MALRD1: variants seen among roughly 807,000 people sequenced by gnomAD.
The protein encoded by MALRD1 is MAM and LDL receptor class A domain containing 1, also known as MAM and LDL-receptor class A domain-containing protein 1.
MALRD1 carries 247 observed loss-of-function variants against 242.1 expected under a neutral mutation model. The ratio of observed to expected loss-of-function variants is 1.02; its 90% confidence interval spans 0.92 to 1.13. MALRD1 has a LOEUF of 1.13. MALRD1 is among the 50% of genes most tolerant of loss of function. The probability of loss-of-function intolerance (pLI) is 0.00; values close to 1 mark genes in which losing one functional copy is unlikely to be tolerated. For synonymous variants in MALRD1, 995 were observed against 866.6 expected (o/e 1.15, Z -2.60); for missense variants, 2,989 against 2,533.1 (o/e 1.18, Z -3.86).
At chr10:19,470,598 T>C (rs922451050) in intron 29 of MALRD1, among the ~76,000 whole-genome samples, 2 of 151,922 alleles carry the variant, frequency 1.3e-5, no homozygotes, top group African/African-American at 4.8e-5. Flanking sequence ...TTCTCCCCTT[T>C]TATTTTTCAA....
chr10:19,705,918 G>C (rs781107549), intron 38 of MALRD1, among the ~76,000 whole-genome samples: 9 of 150,840 alleles, frequency 6.0e-5, no homozygotes, highest in Non-Finnish European at 1.2e-4. Context: ...TTTTTCCAGA[G>C]ATTTCATGAA....
In MALRD1 at chr10:19,133,965, A is replaced by G; in HGVS notation, c.1203+17A>G. On this transcript the variant is annotated intron_variant, in intron 9 of 39. Transcript: ENST00000454679. ...ACATTTAAGGTATGAAAGAAAAAAAAAAAGTATTTTTTTATCATGGTTTAA... is the reference window on the plus strand; with the variant it reads ...ACATTTAAGGTATGAAAGAAAAAAAGAAAGTATTTTTTTATCATGGTTTAA... 1 of 1,191,194 alleles carries G rather than the reference A, an allele frequency of 8.4e-7. No homozygotes were observed. The highest frequency in any genetic ancestry group is 1.1e-6 in the Non-Finnish European group (1 of 951,220). 73.8% of individuals were successfully genotyped at this position (1,191,194 alleles called of 1,614,324 possible).
At chr10:19,335,596 G>A (rs1327039319) in intron 24 of MALRD1, among the ~76,000 whole-genome samples, 1 of 152,058 alleles carries the variant, frequency 6.6e-6, no homozygotes, top group South Asian at 2.1e-4. Context: ...CAAAAGTTTG[G>A]CTGGCAACCA....
chr10:19,231,842 G>T (rs11009034), intron 18 of MALRD1, among the ~76,000 whole-genome samples: 1,849 of 101,622 alleles, frequency 0.018, 32 homozygotes, highest in African/African-American at 0.061. Flanking sequence ...TTCTGTTTTT[G>T]TTTTTTTTCT....
intron 26 of MALRD1, among the ~76,000 whole-genome samples, chr10:19,371,456 T>A (rs1845371340): frequency 6.7e-6 from 1 of 148,798 alleles, no homozygotes; most frequent in African/African-American, 2.5e-5. Flanking sequence ...TTTGAATCTA[T>A]ACAGAAAATT....
At chr10:19,487,517 CT>C (rs11301302) in intron 29 of MALRD1, among the ~76,000 whole-genome samples, 38,210 of 141,974 alleles carry the variant, frequency 0.27, 4,828 homozygotes, top group Middle Eastern at 0.31. Context: ...CCTATTTTAA[CT>C]TTTTTTTTTT....
intron 36 of MALRD1, among the ~76,000 whole-genome samples, chr10:19,616,321 A>T (rs1485977124): frequency 1.3e-5 from 2 of 152,000 alleles, no homozygotes; most frequent in Non-Finnish European, 2.9e-5. Flanking sequence ...ACAAAGGATG[A>T]AATTAATTTA....
chr10:19,463,216 T>A (rs1201149082), intron 29 of MALRD1, among the ~76,000 whole-genome samples: 1 of 152,120 alleles, frequency 6.6e-6, no homozygotes, highest in Non-Finnish European at 1.5e-5. Flanking sequence ...TGGTGTTTGG[T>A]TACATGAGTA....
At chr10:19,494,096 A>C (rs879804322) in intron 30 of MALRD1, among the ~76,000 whole-genome samples, 5,178 of 152,244 alleles carry the variant, frequency 0.034, 166 homozygotes, top group African/African-American at 0.084. Flanking sequence ...CCACATGATT[A>C]AGAGCCTACC....
intron 12 of MALRD1, among the ~76,000 whole-genome samples, chr10:19,161,066 C>T (rs1418857805): frequency 6.8e-5 from 10 of 147,494 alleles, no homozygotes; most frequent in East Asian, 2.0e-4. Flanking sequence ...ATGTTTATTG[C>T]GGCACTATTC....
intron 18 of MALRD1, among the ~76,000 whole-genome samples, chr10:19,243,293 A>C (rs1023349910): frequency 2.0e-5 from 3 of 152,062 alleles, no homozygotes; most frequent in Admixed American, 2.0e-4. Flanking sequence ...GTTCTATGTC[A>C]CAACTAAATC....
At chr10:19,099,305 C>G (rs1836163458) in intron 4 of MALRD1, among the ~76,000 whole-genome samples, 1 of 152,184 alleles carries the variant, frequency 6.6e-6, no homozygotes, top group Admixed American at 6.5e-5. Flanking sequence ...TTTACCCTCA[C>G]TATCTGCCTA....
At chr10:19,074,412 G>A (rs755382409) in intron 2 of MALRD1, among the ~76,000 whole-genome samples, 2 of 152,032 alleles carry the variant, frequency 1.3e-5, no homozygotes, top group African/African-American at 2.4e-5. Context: ...ATAATGCCAA[G>A]GTCCTTGATG....
chr10:19,158,600 A>G (rs1478497466), intron 12 of MALRD1, among the ~76,000 whole-genome samples: 4 of 152,240 alleles, frequency 2.6e-5, no homozygotes, highest in Non-Finnish European at 1.5e-5. Context: ...AGTGCTTGCT[A>G]TATTACCAAA....
intron 13 of MALRD1, among the ~76,000 whole-genome samples, chr10:19,167,709 G>C (rs776666129): frequency 6.6e-6 from 1 of 152,236 alleles, no homozygotes; most frequent in East Asian, 1.9e-4. Flanking sequence ...CTGAGGACAG[G>C]CTGGCTCCCA....
At chr10:19,458,038 A>G (rs990212714) in intron 29 of MALRD1, among the ~76,000 whole-genome samples, 2 of 152,080 alleles carry the variant, frequency 1.3e-5, no homozygotes, top group African/African-American at 4.8e-5. Flanking sequence ...CTGATTATAT[A>G]TGACTATTTT....
chr10:19,666,481 A>G (rs968598268), intron 36 of MALRD1, among the ~76,000 whole-genome samples: 1 of 152,138 alleles, frequency 6.6e-6, no homozygotes, highest in African/African-American at 2.4e-5. Context: ...CAGATTCTCA[A>G]ACTACTGACC....
intron 18 of MALRD1, among the ~76,000 whole-genome samples, chr10:19,254,572 C>A (rs1272024804): frequency 6.6e-6 from 1 of 151,920 alleles, no homozygotes; most frequent in East Asian, 1.9e-4. Context: ...GGATTCTCAT[C>A]AGGAATGCAT....
Position 19,094,556 on chromosome 10 carries a change from G to A in MALRD1, c.597+6371G>A, listed in dbSNP as rs139408811. 8.6e-3 allele frequency among the ~76,000 whole-genome samples: 1,299 copies of A among 151,674 alleles called. 10 individuals are homozygous for A. The highest frequency in any genetic ancestry group is 0.016 in the African/African-American group (667 of 41,310). The stretch of plus-strand genomic sequence containing the variant: ...AATGCAGAAATCACCCGTCTTCTGC[G>A]TCGCTCACGCTGGGAGCTGTAGACC... On this transcript the variant is annotated intron_variant, in intron 4 of 39. Coordinates refer to ENST00000454679, the MANE Select transcript of MALRD1 (RefSeq NM_001142308.3).
Sources: gnomAD v4.1 joint callset for allele counts (sites outside exome capture counted in the v4.1 genomes callset) on GRCh38, gnomAD v4.1.1 for gene constraint, MANE v1.5 for transcripts, NCBI Gene and HGNC (gene_info 2026-07-23, HGNC 2026-07-21) for gene names.